The following PPM1M variants were observed in gnomAD, a reference collection of about 807,000 sequenced individuals.
PPM1M encodes the protein protein phosphatase 1M.
Under a neutral mutation model 50.8 loss-of-function variants are expected in PPM1M, and 44 were observed. The ratio of observed to expected loss-of-function variants is 0.87; its 90% CI spans 0.68 to 1.11. The LOEUF is 1.11. Among genes scored for constraint, PPM1M ranks in the 50% most tolerant of loss-of-function variants. PPM1M has a pLI of 0.00. For synonymous variants in PPM1M, 224 were observed against 242.9 expected (o/e 0.92, Z 0.72); for missense variants, 556 against 593.4 (o/e 0.94, Z 0.66).
intron 4 of PPM1M, 45 bp downstream of exon 4, chr3:52,247,839 C>CAT (rs1183059262): frequency 9.1e-7 from 1 of 1,095,648 alleles, no homozygotes; most frequent in South Asian, 1.3e-5. Context: ...ATGGGGAGGG[C>CAT]ATAAGCAGCA....
rs759773740 is a variant in PPM1M at position 52,249,260 on chromosome 3, C to T, written c.1173C>T (p.Ser391=). The change falls in exon 9 of 10, where the codon TCC becomes TCT. Residue 391 remains serine, a synonymous_variant. Transcript: ENST00000323588. The part of the protein sequence containing the change: ...MATDGLWDVL[S]NEQVAWLVRS... Reference sequence around the variant, plus strand: ...CTGATGGACTCTGGGATGTACTGTCCAACGAGCAGGTGGCATGGCTGGTGC... The same window carrying T: ...CTGATGGACTCTGGGATGTACTGTCTAACGAGCAGGTGGCATGGCTGGTGC... 6.2e-7 allele frequency: 1 copy of T among 1,613,712 alleles called. No homozygotes were observed. The highest frequency in any genetic ancestry group is 1.7e-5 in the Admixed American group (1 of 59,988).
In PPM1M at chr3:52,249,966, G is replaced by A. The variant is rs1699935945; in HGVS notation, c.*152G>A. On this transcript the variant is annotated 3_prime_UTR_variant, in exon 10 of 10. Transcript: ENST00000323588. ...CCTCAACACACATCCATCTCAAGAG[G>A]AACATTTATACCAGGCAGTCAGAGC... is the stretch of plus-strand genomic sequence containing the variant. 2 of 684,602 alleles carry A rather than the reference G, an allele frequency of 2.9e-6. No individual in the cohort carries two copies. Among genetic ancestry groups the A allele is most frequent in the East Asian group, 5.5e-5 (2 of 36,398 alleles). 42.4% of individuals were successfully genotyped at this position (684,602 alleles called of 1,614,324 possible).
chr3:52,250,254 G>A lies in PPM1M; in HGVS notation c.*440G>A, dbSNP rs1056817857. On this transcript the variant is annotated 3_prime_UTR_variant, in exon 10 of 10. Transcript: ENST00000323588. Reference sequence around the variant, plus strand: ...GGGCATGTGTTCAACAACCCCCAAAGTCCACGCAGGTGGCTTGTAGAAACC... The same window carrying A: ...GGGCATGTGTTCAACAACCCCCAAAATCCACGCAGGTGGCTTGTAGAAACC... 2.3e-5 allele frequency: 4 copies of A among 171,004 alleles called. No homozygotes were observed. Among genetic ancestry groups the A allele is most frequent in the East Asian group, 1.4e-4 (1 of 6,992 alleles). 10.6% of individuals were successfully genotyped at this position (171,004 alleles called of 1,614,324 possible).
At chr3:52,246,641 C>A in intron 1 of PPM1M, 54 bp from the exon 2 acceptor site, 1 of 1,181,062 alleles carries the variant, frequency 8.5e-7, no homozygotes, top group Non-Finnish European at 1.1e-6. Flanking sequence ...GTCCCTGTGC[C>A]CATGGGGACA....
chr3:52,249,547 G>A (rs145986371), intron 9 of PPM1M, 123 bp from the exon 10 acceptor site: 765 of 1,433,138 alleles, frequency 5.3e-4, no homozygotes, highest in Non-Finnish European at 7.0e-4. Flanking sequence ...CTGCTTGCTT[G>A]GTCCACAGTC....
intron 7 of PPM1M, 35 bp downstream of exon 7, chr3:52,248,735 C>T (rs1699908756): frequency 6.2e-7 from 1 of 1,603,946 alleles, no homozygotes. Flanking sequence ...CCAAGAATCC[C>T]TCTTCATTGT....
chr3:52,248,617 GCTGGCTCTGCTC>G lies in PPM1M; in HGVS notation c.915-15_915-4del. 1 of 1,613,748 alleles carries G rather than the reference GCTGGCTCTGCTC, an allele frequency of 6.2e-7. No homozygotes were observed. ...GATGGGGCACAGGGCTTGGGTTGAT[GCTGGCTCTGCTC>G]CTGGTAGGAGCTACAAACGTGTGGA... On this transcript the variant is annotated splice_polypyrimidine_tract_variant and splice_region_variant and intron_variant, in intron 6 of 9. Coordinates refer to ENST00000323588, the MANE Select transcript of PPM1M (RefSeq NM_144641.4).
intron 9 of PPM1M, 127 bp from the exon 10 acceptor site, chr3:52,249,543 G>C: frequency 7.0e-7 from 1 of 1,423,772 alleles, no homozygotes; most frequent in Non-Finnish European, 9.6e-7. Flanking sequence ...CTTGCTGCTT[G>C]CTTGGTCCAC....
chr3:52,248,742 T>A (rs756549079), intron 7 of PPM1M, 42 bp downstream of exon 7: 2 of 1,594,438 alleles, frequency 1.3e-6, no homozygotes, highest in South Asian at 2.2e-5. Context: ...TCCCTCTTCA[T>A]TGTCCCCTGC....
intron 4 of PPM1M, 46 bp from the exon 5 acceptor site, chr3:52,248,107 G>A: frequency 2.6e-6 from 4 of 1,521,238 alleles, no homozygotes; most frequent in Non-Finnish European, 2.7e-6. Flanking sequence ...CCATGGGTGA[G>A]GGTGGAGGCC....
In PPM1M at chr3:52,248,971, A is replaced by T. The variant is rs766892014; in HGVS notation, c.994A>T (p.Thr332Ser). The stretch of plus-strand genomic sequence containing the variant: ...TTTCCCTCAGGCTCGGTTACTAGGA[A>T]CACTGGCTGTCTCCCGGGGCCTGGG... The part of the protein sequence containing the change: ...GQGRQARLLG[T>S]LAVSRGLGDH... Residue 332 changes from threonine to serine, a missense_variant, in exon 8 of 10, where the codon ACA becomes TCA. By Grantham distance (58) the Thr-to-Ser change is moderately conservative. Transcript: ENST00000323588. 3 of 1,607,494 alleles carry T rather than the reference A, an allele frequency of 1.9e-6. No homozygotes were observed. Among genetic ancestry groups the T allele is most frequent in the African/African-American group, 1.3e-5 (1 of 74,850 alleles).
intron 4 of PPM1M, 30 bp from the exon 5 acceptor site, chr3:52,248,123 C>T: frequency 1.3e-6 from 2 of 1,577,696 alleles, no homozygotes; most frequent in African/African-American, 1.3e-5. Flanking sequence ...AGGCCTCCTC[C>T]TAGACCTCTC....
chr3:52,249,647 T>G (rs746994291), intron 9 of PPM1M, 23 bp from the exon 10 acceptor site: 1 of 1,613,044 alleles, frequency 6.2e-7, no homozygotes, highest in Admixed American at 1.7e-5. Context: ...CCCTGAAGTC[T>G]ATCTGCAGGA....
At position 52,248,931 on chromosome 3, in the gene PPM1M, C is replaced by T. The variant is rs1386367921; in HGVS notation, c.979-25C>T. 1.4e-5 allele frequency: 22 copies of T among 1,557,164 alleles called. No homozygotes were observed. The South Asian group carries it at 1.5e-4, about 11-fold the overall frequency. Reference sequence around the variant, plus strand: ...TGCATTTGCTGGAGCTGTTTGCCATCGCCTCACACCTCACTTTCCCTCAGG... The same window carrying T: ...TGCATTTGCTGGAGCTGTTTGCCATTGCCTCACACCTCACTTTCCCTCAGG... On this transcript the variant is annotated intron_variant, in intron 7 of 9. Coordinates refer to ENST00000323588, the MANE Select transcript of PPM1M (RefSeq NM_144641.4).
Position 52,247,011 on chromosome 3 carries a change from A to G in PPM1M, c.380A>G (p.His127Arg). 7 of 1,548,962 alleles carry G rather than the reference A, an allele frequency of 4.5e-6. No homozygotes were observed. The highest frequency in any genetic ancestry group is 6.1e-6 in the Non-Finnish European group (7 of 1,146,254). Reference protein sequence around the residue: ...TGHYWALFDGHGGPAAAILAA... With the variant: ...TGHYWALFDGRGGPAAAILAA... ...CATTACTGGGCACTGTTCGATGGGC[A>G]CGGCGGTCCTGCAGCAGCCATCTTG... The change falls in exon 3 of 10, where the codon CAC (histidine) becomes CGC (arginine). Residue 127 changes from histidine (H) to arginine (R), a missense_variant. Transcript: ENST00000323588.
intron 3 of PPM1M, 113 bp from the exon 4 acceptor site, chr3:52,247,569 G>T: frequency 1.3e-6 from 1 of 756,320 alleles, no homozygotes; most frequent in Non-Finnish European, 2.3e-6. Context: ...ACTTTGGGCT[G>T]GGACTGTCAG....
In PPM1M at chr3:52,248,234, G is replaced by T; in HGVS notation, c.792G>T (p.Gln264His). The change falls in exon 5 of 10, where the codon CAG (glutamine) becomes CAT (histidine). Residue 264 changes from glutamine (Q) to histidine (H), a missense_variant. Transcript: ENST00000323588. ...TPETERQRIQQLAFVYPELLA... is the reference protein window; with the variant it reads ...TPETERQRIQHLAFVYPELLA... Reference sequence around the variant, plus strand: ...AGACTGAGCGGCAGCGGATCCAGCAGCTGGTAGGTGCCCTTGGCAGCATGG... The same window carrying T: ...AGACTGAGCGGCAGCGGATCCAGCATCTGGTAGGTGCCCTTGGCAGCATGG... The T allele has an allele frequency of 6.2e-7, 1 of 1,612,954 alleles. No individual in the cohort carries two copies.
rs1699845762 is a variant in PPM1M, at chr3:52,245,856, T to C, written c.32T>C (p.Leu11Pro). Reference sequence around the variant, plus strand: ...GCCGGCTGGTTCCGGCGCCGCTTCCTGCCTGGGGAGCCGCTCCCCGCGCCG... The same window carrying C: ...GCCGGCTGGTTCCGGCGCCGCTTCCCGCCTGGGGAGCCGCTCCCCGCGCCG... The part of the protein sequence containing the change: MSAGWFRRRF[L>P]PGEPLPAPRP... Residue 11 changes from leucine (L) to proline (P), a missense_variant, in exon 1 of 10, where the codon CTG (leucine) becomes CCG (proline). Coordinates refer to ENST00000323588, the MANE Select transcript of PPM1M (RefSeq NM_144641.4). The surrounding 1 kb of genome is among the most constrained non-coding windows in gnomAD (Gnocchi z 4.8). 3 of 1,088,840 alleles carry C rather than the reference T, an allele frequency of 2.8e-6. No homozygotes were observed. The highest frequency in any genetic ancestry group is 3.4e-6 in the Non-Finnish European group (3 of 886,670). The allele number at this position is 1,088,840 out of a possible 1,614,324, so 67.4% of individuals were successfully genotyped here.
chr3:52,248,827 TTCTCTC>T (rs970334497), intron 7 of PPM1M, 123 bp from the exon 8 acceptor site: 2 of 1,311,930 alleles, frequency 1.5e-6, no homozygotes, highest in Non-Finnish European at 2.2e-6. Flanking sequence ...ACTAGGAATT[TTCTCTC>T]TCAGTCCAAG....
Sources: gnomAD v4.1 joint callset for allele counts on GRCh38, gnomAD v4.1.1 for gene constraint, Gnocchi (gnomAD v3.1) non-coding constraint, MANE v1.5 for transcripts, NCBI Gene and HGNC (gene_info 2026-07-23, HGNC 2026-07-21) for gene names.